TMEFF2: variants seen among roughly 807,000 people sequenced by gnomAD.
The protein encoded by TMEFF2 is transmembrane protein with EGF like and two follistatin like domains 2.
Under a neutral mutation model 53.8 loss-of-function variants are expected in TMEFF2, and 28 were observed. That is an observed-to-expected ratio of 0.52 (90% CI 0.39 to 0.71). The LOEUF (loss-of-function observed/expected upper bound fraction) is 0.71, where lower values mean the gene tolerates loss of function less well. Among genes scored for constraint, TMEFF2 ranks in the 30% least tolerant of loss-of-function variants. TMEFF2 has a pLI of 0.00. For synonymous variants in TMEFF2, 162 were observed against 166.3 expected (o/e 0.97, Z 0.20); for missense variants, 353 against 455.2 (o/e 0.78, Z 2.04).
chr2:192,138,082 G>A (rs976700209), intron 4 of TMEFF2, among the ~76,000 whole-genome samples: 1 of 152,106 alleles, frequency 6.6e-6, no homozygotes, highest in African/African-American at 2.4e-5. Context: ...GCCTCCCAAA[G>A]TGCTGGGATT....
chr2:192,180,968 T>C (rs1187633910), intron 3 of TMEFF2, among the ~76,000 whole-genome samples: 6 of 151,858 alleles, frequency 4.0e-5, no homozygotes, highest in Admixed American at 3.9e-4. Flanking sequence ...ACAGGACATA[T>C]GTCTTTGGAT....
chr2:192,191,875 C>T lies in TMEFF2; in HGVS notation c.282+5G>A, dbSNP rs770310134. The T allele has an allele frequency of 1.3e-6, 2 of 1,592,642 alleles. No individual in the cohort carries two copies. The highest frequency in any genetic ancestry group is 3.3e-5 in the Admixed American group (2 of 59,940). On this transcript the variant is annotated splice_donor_5th_base_variant and intron_variant, in intron 2 of 9. Transcript: ENST00000272771. ...ATTAGAAGATGCAAATATAAGACTT[C>T]TTACCTTGAACTGACAGACGCAAGT... is the stretch of plus-strand genomic sequence containing the variant.
At chr2:192,002,907 T>G (rs1686403777) in intron 5 of TMEFF2, among the ~76,000 whole-genome samples, 1 of 152,172 alleles carries the variant, frequency 6.6e-6, no homozygotes, top group African/African-American at 2.4e-5. Context: ...ACCAAGGACC[T>G]ACCATTTCTA....
At chr2:192,005,730 G>T (rs974052778) in intron 5 of TMEFF2, among the ~76,000 whole-genome samples, 2 of 152,122 alleles carry the variant, frequency 1.3e-5, no homozygotes, top group Admixed American at 6.5e-5. Context: ...CAGAGCTGCT[G>T]TCTGTGATCC....
At position 191,950,069 on chromosome 2, in the gene TMEFF2, A is replaced by G; in HGVS notation, c.*242T>C. 8.2e-7 allele frequency: 1 copy of G among 1,223,022 alleles called. No homozygotes were observed. Among genetic ancestry groups the G allele is most frequent in the Non-Finnish European group, 1.0e-6 (1 of 972,500 alleles). 75.8% of individuals were successfully genotyped at this position (1,223,022 alleles called of 1,614,324 possible). A position where few individuals can be genotyped will look rare whatever the true frequency, so the allele number is the denominator to read the frequency against. ...TATATAACAAATACATGGGAAAGAAAAAACTATATTGTGTGATATAAATAG... is the reference window on the plus strand; with the variant it reads ...TATATAACAAATACATGGGAAAGAAGAAACTATATTGTGTGATATAAATAG... On this transcript the variant is annotated 3_prime_UTR_variant, in exon 10 of 10. Coordinates refer to ENST00000272771, the MANE Select transcript of TMEFF2 (RefSeq NM_016192.4).
At chr2:191,972,171 G>A (rs1047253183) in intron 7 of TMEFF2, among the ~76,000 whole-genome samples, 1 of 148,800 alleles carries the variant, frequency 6.7e-6, no homozygotes, top group African/African-American at 2.5e-5. Flanking sequence ...TTTAGACCGA[G>A]TCTCACTCTG....
chr2:192,071,214 TC>T (rs1198767295), intron 4 of TMEFF2, among the ~76,000 whole-genome samples: 3 of 151,870 alleles, frequency 2.0e-5, no homozygotes, highest in Non-Finnish European at 4.4e-5. Flanking sequence ...TCTGCCCAGG[TC>T]CTCTGGTGAC....
At chr2:191,982,691 T>C (rs1480971617) in intron 7 of TMEFF2, among the ~76,000 whole-genome samples, 1 of 152,152 alleles carries the variant, frequency 6.6e-6, no homozygotes, top group East Asian at 1.9e-4. Flanking sequence ...ATTGCTTGAG[T>C]TTCTCATGCT....
intron 1 of TMEFF2, among the ~76,000 whole-genome samples, chr2:192,193,673 C>A (rs2106053970): frequency 6.6e-6 from 1 of 151,270 alleles, no homozygotes; most frequent in South Asian, 2.1e-4. Flanking sequence ...CTTAGGGAAG[C>A]AAAGAGAGGG....
At chr2:191,976,091 G>T (rs1375806928) in intron 7 of TMEFF2, among the ~76,000 whole-genome samples, 1 of 152,176 alleles carries the variant, frequency 6.6e-6, no homozygotes, top group East Asian at 1.9e-4. Flanking sequence ...AATTGACAGT[G>T]AATTTTTGCA....
chr2:191,968,773 A>T (rs1465217493), intron 7 of TMEFF2, among the ~76,000 whole-genome samples: 2 of 152,160 alleles, frequency 1.3e-5, no homozygotes, highest in African/African-American at 4.8e-5. Flanking sequence ...TTCTCAATGG[A>T]ACCTCCCTGC....
At chr2:191,986,325 A>G (rs989062949) in intron 7 of TMEFF2, among the ~76,000 whole-genome samples, 7 of 152,210 alleles carry the variant, frequency 4.6e-5, no homozygotes, top group Non-Finnish European at 7.3e-5. Context: ...AAAGGATGAC[A>G]TGGCTTTGAA....
rs1260104483 is a variant in TMEFF2 at position 191,950,251 on chromosome 2, T to TA, written c.*59dup. On this transcript the variant is annotated 3_prime_UTR_variant, in exon 10 of 10. Coordinates refer to ENST00000272771, the MANE Select transcript of TMEFF2 (RefSeq NM_016192.4). ...ATCTCTTGTCTTATTCTTTTGTCTA[T>TA]AATACTGTATTGTGTAGTCCAAGCT... 9.5e-6 allele frequency: 14 copies of TA among 1,478,810 alleles called. No individual in the cohort carries two copies. Among genetic ancestry groups the TA allele is most frequent in the Non-Finnish European group, 1.3e-5 (14 of 1,111,454 alleles). 91.6% of individuals were successfully genotyped at this position (1,478,810 alleles called of 1,614,324 possible). A position where few individuals can be genotyped will look rare whatever the true frequency, so the allele number is the denominator to read the frequency against.
chr2:192,106,670 C>G (rs141112154), intron 4 of TMEFF2, among the ~76,000 whole-genome samples: 5 of 151,768 alleles, frequency 3.3e-5, no homozygotes, highest in Admixed American at 2.0e-4. Flanking sequence ...TACTTCAGTA[C>G]TCCCTATCTG....
intron 4 of TMEFF2, among the ~76,000 whole-genome samples, chr2:192,141,217 C>T (rs1330619442): frequency 6.6e-6 from 1 of 152,014 alleles, no homozygotes; most frequent in Non-Finnish European, 1.5e-5. Context: ...CTCTGGGAGG[C>T]TGAGGCAGGT....
intron 4 of TMEFF2, among the ~76,000 whole-genome samples, chr2:192,134,147 C>G (rs1689936382): frequency 6.6e-6 from 1 of 152,190 alleles, no homozygotes; most frequent in Non-Finnish European, 1.5e-5. Flanking sequence ...TCATAACTTC[C>G]AAAATCTATT....
chr2:192,184,625 A>G, intron 2 of TMEFF2, 142 bp from the exon 3 acceptor site: 1 of 1,125,222 alleles, frequency 8.9e-7, no homozygotes, highest in Non-Finnish European at 1.2e-6. Flanking sequence ...AGTCTTTATA[A>G]GGGCATCATT....
At chr2:191,980,651 C>T (rs902750065) in intron 7 of TMEFF2, among the ~76,000 whole-genome samples, 26 of 152,272 alleles carry the variant, frequency 1.7e-4, no homozygotes, top group African/African-American at 4.6e-4. Flanking sequence ...CCACCCCCAG[C>T]GTCTGCCTCT....
chr2:192,021,397 T>C (rs969815300), intron 5 of TMEFF2, among the ~76,000 whole-genome samples: 4 of 151,902 alleles, frequency 2.6e-5, no homozygotes, highest in African/African-American at 9.7e-5. Context: ...TGAGAAGATA[T>C]AGAAAATGAG....
Sources: gnomAD v4.1 joint callset for allele counts (sites outside exome capture counted in the v4.1 genomes callset) on GRCh38, gnomAD v4.1.1 for gene constraint, MANE v1.5 for transcripts, NCBI Gene and HGNC (gene_info 2026-07-23, HGNC 2026-07-21) for gene names.